GRID2: variants seen among roughly 807,000 people sequenced by gnomAD.
GRID2 encodes the protein glutamate receptor ionotropic, delta-2.
Under a neutral mutation model 114.8 loss-of-function variants are expected in GRID2, and 33 were observed. That is an observed-to-expected ratio of 0.29 (90% CI 0.22 to 0.38). The LOEUF is 0.38. Among genes scored for constraint, GRID2 ranks in the 10% least tolerant of loss-of-function variants. The pLI is 1.00. For missense variants in GRID2, 1,184 were observed against 1,257.7 expected (o/e 0.94, Z 0.89); for synonymous variants, 505 against 449.9 (o/e 1.12, Z -1.55).
intron 4 of GRID2, among the ~76,000 whole-genome samples, chr4:93,201,437 C>T (rs2149461273): frequency 6.6e-6 from 1 of 152,294 alleles, no homozygotes; most frequent in Non-Finnish European, 1.5e-5. Flanking sequence ...TCCAGCGTAT[C>T]TGCTGGTGTC....
intron 1 of GRID2, among the ~76,000 whole-genome samples, chr4:92,574,539 C>T (rs535582374): frequency 2.0e-5 from 3 of 150,768 alleles, no homozygotes; most frequent in South Asian, 2.1e-4. Context: ...TGTCTGAAAA[C>T]GACCTCTTTC....
intron 2 of GRID2, among the ~76,000 whole-genome samples, chr4:92,891,302 A>T (rs557290376): frequency 3.3e-4 from 50 of 152,298 alleles, no homozygotes; most frequent in African/African-American, 1.1e-3. Flanking sequence ...GTTGCAATTA[A>T]TTTTCAGTTT....
intron 2 of GRID2, among the ~76,000 whole-genome samples, chr4:92,620,697 G>A (rs1359837923): frequency 1.3e-5 from 2 of 151,438 alleles, no homozygotes; most frequent in Admixed American, 6.6e-5. Context: ...AGGAAACAAA[G>A]GGAGCCAGAT....
At chr4:93,300,095 AT>A (rs1402688305) in intron 8 of GRID2, among the ~76,000 whole-genome samples, 2 of 152,006 alleles carry the variant, frequency 1.3e-5, no homozygotes, top group African/African-American at 2.4e-5. Flanking sequence ...CTTTATTTGT[AT>A]TATATTTCTC....
At chr4:92,909,803 T>G (rs1748234398) in intron 2 of GRID2, among the ~76,000 whole-genome samples, 1 of 152,132 alleles carries the variant, frequency 6.6e-6, no homozygotes, top group Non-Finnish European at 1.5e-5. Context: ...TTTCAATAGA[T>G]CATGCTCTAT....
chr4:92,449,063 A>T (rs1278005388), intron 1 of GRID2, among the ~76,000 whole-genome samples: 1 of 152,074 alleles, frequency 6.6e-6, no homozygotes, highest in African/African-American at 2.4e-5. Context: ...GCAATATTTT[A>T]TTGGGTAACA....
rs544056202 is a variant in GRID2 at position 93,661,493 on chromosome 4, G to C, written c.2360+35058G>C. Among the ~76,000 whole-genome samples, 39 of 152,270 alleles carry C rather than the reference G, an allele frequency of 2.6e-4. 1 individual carries two copies. In the South Asian group the frequency reaches 3.9e-3, roughly 15 times the overall value. On this transcript the variant is annotated intron_variant, in intron 14 of 15. Coordinates refer to ENST00000282020, the MANE Select transcript of GRID2 (RefSeq NM_001510.4). ...TGTGTCTTATGGAGAAAATATGTGTGTTCAATAAGCTCATTCGCACTTGAA... is the reference window on the plus strand; with the variant it reads ...TGTGTCTTATGGAGAAAATATGTGTCTTCAATAAGCTCATTCGCACTTGAA...
At chr4:92,837,821 A>G (rs1742572266) in intron 2 of GRID2, among the ~76,000 whole-genome samples, 1 of 152,146 alleles carries the variant, frequency 6.6e-6, no homozygotes, top group Non-Finnish European at 1.5e-5. Flanking sequence ...TAAATTAACA[A>G]CAACCTAATT....
At chr4:93,749,088 T>C (rs1431369829) in intron 14 of GRID2, among the ~76,000 whole-genome samples, 1 of 152,166 alleles carries the variant, frequency 6.6e-6, no homozygotes, top group African/African-American at 2.4e-5. Flanking sequence ...GGATCCCTGC[T>C]TTATTCCTCC....
At chr4:92,342,650 C>G (rs1727557716) in intron 1 of GRID2, among the ~76,000 whole-genome samples, 1 of 152,138 alleles carries the variant, frequency 6.6e-6, no homozygotes, top group Admixed American at 6.5e-5. Flanking sequence ...TCTGAGTGTT[C>G]CTTCATAGAT....
intron 14 of GRID2, among the ~76,000 whole-genome samples, chr4:93,637,349 A>G (rs186220782): frequency 4.6e-5 from 7 of 152,330 alleles, no homozygotes; most frequent in Admixed American, 6.5e-5. Flanking sequence ...ACTAAATCAC[A>G]GAAATGATTT....
At chr4:93,166,396 G>T (rs552942360) in intron 4 of GRID2, among the ~76,000 whole-genome samples, 1 of 152,240 alleles carries the variant, frequency 6.6e-6, no homozygotes, top group African/African-American at 2.4e-5. Context: ...AAGAAGTCAG[G>T]TGACCTGGGT....
chr4:93,444,621 G>A (rs531470763), intron 10 of GRID2, among the ~76,000 whole-genome samples: 240 of 152,022 alleles, frequency 1.6e-3, no homozygotes, highest in African/African-American at 5.3e-3. Flanking sequence ...CCTTCAAAGC[G>A]AAAATATGTA....
intron 2 of GRID2, among the ~76,000 whole-genome samples, chr4:92,897,116 A>C (rs1313838997): frequency 6.6e-6 from 1 of 152,028 alleles, no homozygotes; most frequent in African/African-American, 2.4e-5. Flanking sequence ...TCTGTTTTCT[A>C]ATCTGGTAAT....
intron 8 of GRID2, among the ~76,000 whole-genome samples, chr4:93,337,009 G>A: frequency 6.6e-6 from 1 of 152,048 alleles, no homozygotes; most frequent in East Asian, 1.9e-4. Context: ...CCCTTGTGGG[G>A]AGAAGTTTCT....
At chr4:93,400,354 T>C (rs1765755324) in intron 9 of GRID2, among the ~76,000 whole-genome samples, 1 of 152,142 alleles carries the variant, frequency 6.6e-6, no homozygotes, top group Non-Finnish European at 1.5e-5. Flanking sequence ...AAGCAGTCTC[T>C]ACTACTTGGT....
chr4:92,537,841 C>A (rs2149159409), intron 1 of GRID2, among the ~76,000 whole-genome samples: 1 of 143,102 alleles, frequency 7.0e-6, no homozygotes, highest in East Asian at 2.1e-4. Context: ...CTAATTTGAG[C>A]AAGACCACCC....
intron 9 of GRID2, among the ~76,000 whole-genome samples, chr4:93,401,417 C>A (rs1235279373): frequency 6.6e-6 from 1 of 151,858 alleles, no homozygotes; most frequent in East Asian, 1.9e-4. Flanking sequence ...TAATTAGCAC[C>A]ATGTTTGTCT....
intron 1 of GRID2, among the ~76,000 whole-genome samples, chr4:92,484,478 T>C (rs912477339): frequency 1.3e-5 from 2 of 152,072 alleles, no homozygotes; most frequent in Non-Finnish European, 2.9e-5. Flanking sequence ...CTTCATAGAG[T>C]ACTCAGAAAA....
Sources: gnomAD v4.1 joint callset for allele counts (sites outside exome capture counted in the v4.1 genomes callset) on GRCh38, gnomAD v4.1.1 for gene constraint, MANE v1.5 for transcripts, NCBI Gene and HGNC (gene_info 2026-07-23, HGNC 2026-07-21) for gene names.